Variants in TINF2 observed in about 807,000 individuals in gnomAD.
TINF2 encodes TERF1-interacting nuclear factor 2.
TINF2 carries 27 observed loss-of-function variants against 50.4 expected under a neutral mutation model. That is an observed-to-expected ratio of 0.54 (90% CI 0.40 to 0.74). The LOEUF (loss-of-function observed/expected upper bound fraction) is 0.74. Among genes scored for constraint, TINF2 ranks in the 30% least tolerant of loss-of-function variants. TINF2 has a pLI of 0.00. For synonymous variants in TINF2, 223 were observed against 214.6 expected, an observed-to-expected ratio of 1.04 and a Z score of -0.34; for missense variants, 496 against 551.5, an observed-to-expected ratio of 0.90 and a Z score of 1.01.
Position 24,242,621 on chromosome 14 carries a change from C to G in TINF2, c.-289G>C. ...GCCGCTGTCTCGAGCCCGAGGGTGC[C>G]TCACTTCCGGCTCCGCTACTAGCTT... On this transcript the variant is annotated 5_prime_UTR_variant, in exon 1 of 9. Transcript: ENST00000267415. 7.9e-7 allele frequency: 1 copy of G among 1,261,740 alleles called. No individual in the cohort carries two copies. The highest frequency in any genetic ancestry group is 1.0e-6 in the Non-Finnish European group (1 of 997,828). The allele number at this position is 1,261,740 out of a possible 1,614,324, so 78.2% of individuals were successfully genotyped here.
Position 24,241,972 on chromosome 14 carries a change from T to A in TINF2, c.215A>T (p.Gln72Leu), listed in dbSNP as rs2139003147. The part of the protein sequence containing the change: ...KAKVVVELIL[Q>L]GRPWAQVLKA... Reference sequence around the variant, plus strand: ...CAGGACTTGGGCCCAAGGCCGGCCCTGCAGGATCAGCTCCACCACCACCTG... The same window carrying A: ...CAGGACTTGGGCCCAAGGCCGGCCCAGCAGGATCAGCTCCACCACCACCTG... The change falls in exon 2 of 9, where the codon CAG (glutamine) becomes CTG (leucine). Residue 72 changes from glutamine (Q) to leucine (L), a missense_variant. Gln to Leu is a moderately radical substitution (Grantham distance 113, BLOSUM62 -2). Transcript: ENST00000267415. 6.2e-7 allele frequency: 1 copy of A among 1,614,224 alleles called. No homozygotes were observed. Among genetic ancestry groups the A allele is most frequent in the Non-Finnish European group, 8.5e-7 (1 of 1,180,038 alleles).
At chr14:24,241,517 T>C in intron 3 of TINF2, 158 bp downstream of exon 3, 1 of 803,096 alleles carries the variant, frequency 1.2e-6, no homozygotes, top group Non-Finnish European at 2.1e-6. Context: ...CTCGGGAGGC[T>C]GAGGCAGGAG....
chr14:24,240,094 A>T lies in TINF2; in HGVS notation c.1191T>A (p.Asp397Glu). 6.2e-7 allele frequency: 1 copy of T among 1,613,780 alleles called. No individual in the cohort carries two copies. Residue 397 changes from aspartate (D) to glutamate (E), a missense_variant, in exon 8 of 9, where the codon GAT becomes GAA. Asp to Glu is a conservative substitution (Grantham distance 45). This residue lies in a region of TINF2 where 179 missense variants were observed against 188.3 expected (regional missense o/e 0.95). Transcript: ENST00000267415. Reference protein sequence around the residue: ...ITIGDLVLDSDEEENGQGEGK... With the variant: ...ITIGDLVLDSEEEENGQGEGK... ...CTTCCCCCTGGCCATTTTCTTCCTCATCAGAGTCTAAAACCAAGTCCCCTA... is the reference window on the plus strand; with the variant it reads ...CTTCCCCCTGGCCATTTTCTTCCTCTTCAGAGTCTAAAACCAAGTCCCCTA...
In TINF2 at chr14:24,242,366, G is replaced by T. The variant is rs1158653381; in HGVS notation, c.-34C>A. ...GGCTCCGCCCGGAGGCGGTCCCTCC[G>T]GGTTCCTCACCCGGATGGGTGAGGC... is the stretch of plus-strand genomic sequence containing the variant. On this transcript the variant is annotated 5_prime_UTR_variant, in exon 1 of 9. Coordinates refer to ENST00000267415, the MANE Select transcript of TINF2 (RefSeq NM_001099274.3). The T allele has an allele frequency of 6.2e-6, 10 of 1,602,874 alleles. No individual in the cohort carries two copies. Among genetic ancestry groups the T allele is most frequent in the Non-Finnish European group, 8.5e-6 (10 of 1,176,132 alleles).
chr14:24,241,711 C>T lies in TINF2; in HGVS notation c.363G>A (p.Leu121=), dbSNP rs747931728. Residue 121 remains leucine (L), a synonymous_variant, in exon 3 of 9, where the codon CTG becomes CTA. Coordinates refer to ENST00000267415, the MANE Select transcript of TINF2 (RefSeq NM_001099274.3). ...AGGCCAAATCCACAGGAGCCTCTGA[C>T]AGCTGCTTCACCTGCTGGTAAAAAG... ...QETFYQQVKQ[L]SEAPVDLASK... is the part of the protein sequence containing the mutation. 2 of 1,613,086 alleles carry T rather than the reference C, an allele frequency of 1.2e-6. No individual in the cohort carries two copies. Among genetic ancestry groups the T allele is most frequent in the East Asian group, 4.5e-5 (2 of 44,886 alleles).
rs2040590035 is a variant in TINF2 at position 24,241,955 on chromosome 14, G to C, written c.232C>G (p.Gln78Glu). Reference protein sequence around the residue: ...ELILQGRPWAQVLKALNHHFP... With the variant: ...ELILQGRPWAEVLKALNHHFP... ...TGGTGATTCAGGGCTTTCAGGACTT[G>C]GGCCCAAGGCCGGCCCTGCAGGATC... The change falls in exon 2 of 9, where the codon CAA (glutamine) becomes GAA (glutamate). Residue 78 changes from glutamine (Q) to glutamate (E), a missense_variant. This residue lies in a region of TINF2 where 314 missense variants were observed against 343.8 expected (regional missense o/e 0.91). Transcript: ENST00000267415. 1 of 1,614,234 alleles carries C rather than the reference G, an allele frequency of 6.2e-7. No homozygotes were observed. Among genetic ancestry groups the C allele is most frequent in the Non-Finnish European group, 8.5e-7 (1 of 1,180,040 alleles).
Position 24,240,266 on chromosome 14 carries a change from G to C in TINF2, c.1126C>G (p.Pro376Ala). 1 of 1,613,994 alleles carries C rather than the reference G, an allele frequency of 6.2e-7. No homozygotes were observed. Among genetic ancestry groups the C allele is most frequent in the Non-Finnish European group, 8.5e-7 (1 of 1,179,994 alleles). Residue 376 changes from proline (P) to alanine (A), a missense_variant, in exon 7 of 9, where the codon CCA (proline) becomes GCA (alanine). Physicochemically the swap from Pro to Ala is conservative, Grantham distance 27. Transcript: ENST00000267415. ...LSLLPPRARK[P>A]VCPPSLCSSV... ...AATCCTGACTCAGACTACCTACCTG[G>C]CTTCCTGGCCCTAGGAGGTAATAAT...
At position 24,242,563 on chromosome 14, in the gene TINF2, C is replaced by T. The variant is rs761543566; in HGVS notation, c.-231G>A. Reference sequence around the variant, plus strand: ...GCCTGAGTGGAGAAGCTGACCGTCTCCAGTGGCACTGGGTCGCTCAGCTTT... The same window carrying T: ...GCCTGAGTGGAGAAGCTGACCGTCTTCAGTGGCACTGGGTCGCTCAGCTTT... On this transcript the variant is annotated 5_prime_UTR_variant, in exon 1 of 9. Coordinates refer to ENST00000267415, the MANE Select transcript of TINF2 (RefSeq NM_001099274.3). 1.1e-5 allele frequency: 15 copies of T among 1,399,866 alleles called. No individual in the cohort carries two copies. The highest frequency in any genetic ancestry group is 1.4e-5 in the Non-Finnish European group (15 of 1,079,216). 86.7% of individuals were successfully genotyped at this position (1,399,866 alleles called of 1,614,324 possible).
At chr14:24,240,013 AGT>A (rs1194784075) in intron 8 of TINF2, 49 bp downstream of exon 8, 1 of 1,614,158 alleles carries the variant, frequency 6.2e-7, no homozygotes, top group Admixed American at 1.7e-5. Flanking sequence ...TGGATTTCTC[AGT>A]CTTGTTCTAC....
At chr14:24,241,815 A>C in intron 2 of TINF2, 39 bp from the exon 3 acceptor site, 1 of 1,613,166 alleles carries the variant, frequency 6.2e-7, no homozygotes, top group Non-Finnish European at 8.5e-7. Flanking sequence ...TAGCACCAAC[A>C]TCCAGTAGAC....
rs765569612 is a variant in TINF2 at position 24,240,366 on chromosome 14, G to A, written c.1062-36C>T. On this transcript the variant is annotated intron_variant, in intron 6 of 8. Transcript: ENST00000267415. ...AGCAAGCAAAGAGGATAGGATGAAG[G>A]GAAGGCAGGCAAAGAATGTGCTCCT... is the stretch of plus-strand genomic sequence containing the variant. The A allele has an allele frequency of 3.1e-6, 5 of 1,614,026 alleles. No individual in the cohort carries two copies. The Admixed American group carries it at 6.7e-5, about 22-fold the overall frequency.
In TINF2 at chr14:24,240,613, G is replaced by A. The variant is rs1426792982; in HGVS notation, c.867C>T (p.Pro289=). Residue 289 remains proline, a synonymous_variant, in exon 6 of 9, where the codon CCC becomes CCT. Coordinates refer to ENST00000267415, the MANE Select transcript of TINF2 (RefSeq NM_001099274.3). ...HKERPTVMLF[P]FRNLGSPTQV... is the part of the protein sequence containing the mutation. ...GGGTTGGTGAGCCGAGATTCCTAAAGGGAAACAGCATGACTGTGGGGCGCT... is the reference window on the plus strand; with the variant it reads ...GGGTTGGTGAGCCGAGATTCCTAAAAGGAAACAGCATGACTGTGGGGCGCT... 2 of 1,614,062 alleles carry A rather than the reference G, an allele frequency of 1.2e-6. No individual in the cohort carries two copies. Among genetic ancestry groups the A allele is most frequent in the Non-Finnish European group, 1.7e-6 (2 of 1,180,050 alleles).
At position 24,239,902 on chromosome 14, in the gene TINF2, C is replaced by T; in HGVS notation, c.1251G>A (p.Lys417=). 6.2e-7 allele frequency: 1 copy of T among 1,614,160 alleles called. No individual in the cohort carries two copies. ...KESLENYQKT[K]FDTLIPTLCE... ...AGAGAGTGGGTATCAAGGTGTCAAA[C>T]TTTGTCTTCTGATAGTTTTCCAGAG... is the stretch of plus-strand genomic sequence containing the variant. The change falls in exon 9 of 9, where the codon AAG becomes AAA. Residue 417 remains lysine (K), a synonymous_variant. Coordinates refer to ENST00000267415, the MANE Select transcript of TINF2 (RefSeq NM_001099274.3).
rs376135750 is a variant in TINF2 at position 24,240,794 on chromosome 14, T to C, written c.686A>G (p.Asn229Ser). ...PPQQQRLALH[N>S]PLPKAKPGTH... The stretch of plus-strand genomic sequence containing the variant: ...GCCAGGCTTGGCTTTTGGCAGGGGA[T>C]TGTGGAGTGCTAGTCTTTGTTGCTG... The change falls in exon 6 of 9, where the codon AAT (asparagine) becomes AGT (serine). Residue 229 changes from asparagine (N) to serine (S), a missense_variant. By Grantham distance (46) the Asn-to-Ser change is conservative (BLOSUM62 1). This residue lies in a region of TINF2 where 314 missense variants were observed against 343.8 expected (regional missense o/e 0.91). Coordinates refer to ENST00000267415, the MANE Select transcript of TINF2 (RefSeq NM_001099274.3). The C allele has an allele frequency of 1.7e-5, 27 of 1,613,782 alleles. No homozygotes were observed. The highest frequency in any genetic ancestry group is 2.3e-5 in the Non-Finnish European group (27 of 1,180,006).
rs780647966 is a variant in TINF2 at position 24,239,868 on chromosome 14, G to T, written c.1285C>A (p.Leu429Ile). ...DTLIPTLCEYLPPSGHGAIPV... is the reference protein window; with the variant it reads ...DTLIPTLCEYIPPSGHGAIPV... Reference sequence around the variant, plus strand: ...ATGGCACCGTGGCCAGAAGGGGGTAGGTATTCACAGAGAGTGGGTATCAAG... The same window carrying T: ...ATGGCACCGTGGCCAGAAGGGGGTATGTATTCACAGAGAGTGGGTATCAAG... The change falls in exon 9 of 9, where the codon CTA becomes ATA. Residue 429 changes from leucine to isoleucine, a missense_variant. By Grantham distance (5) the Leu-to-Ile change is conservative (BLOSUM62 2). Around this residue, in one of 3 missense-constraint regions of TINF2, gnomAD observed 179 missense variants for 188.3 expected, o/e 0.95. Transcript: ENST00000267415. 5.0e-6 allele frequency: 8 copies of T among 1,614,180 alleles called. No individual in the cohort carries two copies. Among genetic ancestry groups the T allele is most frequent in the Non-Finnish European group, 5.1e-6 (6 of 1,180,028 alleles).
chr14:24,240,485 C>G lies in TINF2; in HGVS notation c.995G>C (p.Cys332Ser), dbSNP rs750745512. ...AASTGKSKSP[C>S]QTLGGRALKE... ...CAGAGCCCTTCCCCCCAGGGTCTGG[C>G]ATGGACTCTTAGACTTCCCAGTGGA... Residue 332 changes from cysteine (C) to serine (S), a missense_variant, in exon 6 of 9, where the codon TGC (cysteine) becomes TCC (serine). By Grantham distance (112) the Cys-to-Ser change is moderately radical. Transcript: ENST00000267415. 2 of 1,614,228 alleles carry G rather than the reference C, an allele frequency of 1.2e-6. No individual in the cohort carries two copies. Among genetic ancestry groups the G allele is most frequent in the Admixed American group, 3.3e-5 (2 of 60,030 alleles).
rs576364157 is a variant in TINF2, at chr14:24,242,088, C to G, written c.192+53G>C. 5.3e-5 allele frequency: 86 copies of G among 1,614,118 alleles called. No homozygotes were observed. In the African/African-American group the frequency reaches 9.7e-4, roughly 18 times the overall value. ...AAGCTGTGGGCCCTTGTCAGGTGCTCGCATCCCGCCCCTTTCTTTCTTTCC... is the reference window on the plus strand; with the variant it reads ...AAGCTGTGGGCCCTTGTCAGGTGCTGGCATCCCGCCCCTTTCTTTCTTTCC... On this transcript the variant is annotated intron_variant, in intron 1 of 8. Transcript: ENST00000267415.
At position 24,240,713 on chromosome 14, in the gene TINF2, C is replaced by T. The variant is rs779837822; in HGVS notation, c.767G>A (p.Arg256Gln). 73 of 1,613,638 alleles carry T rather than the reference C, an allele frequency of 4.5e-5. 1 individual carries two copies. Among genetic ancestry groups the T allele is most frequent in the Non-Finnish European group, 5.5e-5 (65 of 1,179,868 alleles). Reference sequence around the variant, plus strand: ...GCCTAGAGGGGCCAGATTGAAGTGTCGGCCAGCTAGAGGTTCTGGGTGCGT... The same window carrying T: ...GCCTAGAGGGGCCAGATTGAAGTGTTGGCCAGCTAGAGGTTCTGGGTGCGT... ...SRTHPEPLAG[R>Q]HFNLAPLGRR... The change falls in exon 6 of 9, where the codon CGA becomes CAA. Residue 256 changes from arginine to glutamine, a missense_variant. By Grantham distance (43) the Arg-to-Gln change is conservative. Coordinates refer to ENST00000267415, the MANE Select transcript of TINF2 (RefSeq NM_001099274.3).
At chr14:24,242,048 A>T in intron 1 of TINF2, 54 bp from the exon 2 acceptor site, 1 of 1,614,008 alleles carries the variant, frequency 6.2e-7, no homozygotes, top group Non-Finnish European at 8.5e-7. Flanking sequence ...ACCTTTTCCA[A>T]CTAGTCTCAT....
Sources: gnomAD v4.1 joint callset for allele counts on GRCh38, gnomAD v4.1.1 for gene constraint, gnomAD v4.1.1 regional missense constraint, MANE v1.5 for transcripts, NCBI Gene and HGNC (gene_info 2026-07-23, HGNC 2026-07-21) for gene names.